Variants in OR2B6 observed in about 807,000 individuals in gnomAD.
OR2B6 encodes olfactory receptor 2B6.
For missense variants in OR2B6, 350 were observed against 368.9 expected, an observed-to-expected ratio of 0.95 and a Z score of 0.42; for synonymous variants, 130 against 142.7, an observed-to-expected ratio of 0.91 and a Z score of 0.63.
rs376639871 is a variant in OR2B6, at chr6:27,957,951, A to G, written c.711A>G (p.Ala237=). ...RIQSAEGRQK[A]FGTCGSHLIV... ...AGTCTGCTGAAGGTCGACAAAAAGC[A>G]TTTGGGACATGTGGTTCCCATCTAA... The change falls in exon 1 of 1, where the codon GCA becomes GCG. Residue 237 remains alanine (A), a synonymous_variant. Coordinates refer to ENST00000244623, the MANE Select transcript of OR2B6 (RefSeq NM_012367.1). The G allele has an allele frequency of 6.2e-7, 1 of 1,614,092 alleles. No homozygotes were observed. The highest frequency in any genetic ancestry group is 8.5e-7 in the Non-Finnish European group (1 of 1,179,982).
Position 27,957,464 on chromosome 6 carries a change from C to A in OR2B6, c.224C>A (p.Thr75Lys), listed in dbSNP as rs747174604. The change falls in exon 1 of 1, where the codon ACA (threonine) becomes AAA (lysine). Residue 75 changes from threonine (T) to lysine (K), a missense_variant. Thr to Lys is a moderately conservative substitution (Grantham distance 78). Transcript: ENST00000244623. ...NLSLLDLCYT[T>K]CTVPQMLVNL... Reference sequence around the variant, plus strand: ...TCACTCCTGGATCTTTGTTACACCACATGTACAGTCCCACAAATGCTAGTA... The same window carrying A: ...TCACTCCTGGATCTTTGTTACACCAAATGTACAGTCCCACAAATGCTAGTA... The A allele has an allele frequency of 6.2e-7, 1 of 1,614,024 alleles. No homozygotes were observed. The highest frequency in any genetic ancestry group is 8.5e-7 in the Non-Finnish European group (1 of 1,179,940).
In OR2B6 at chr6:27,957,842, T is replaced by A; in HGVS notation, c.602T>A (p.Leu201His). The change falls in exon 1 of 1, where the codon CTT (leucine) becomes CAT (histidine). Residue 201 changes from leucine to histidine, a missense_variant. Leu to His is a moderately conservative substitution (Grantham distance 99). Transcript: ENST00000244623. Reference sequence around the variant, plus strand: ...ACAGCAAATGAGGCTGAACTATTCCTTGTCAGTGAGCTCTTCCATCTAATA... The same window carrying A: ...ACAGCAAATGAGGCTGAACTATTCCATGTCAGTGAGCTCTTCCATCTAATA... ...ETTANEAELFLVSELFHLIPL... is the reference protein window; with the variant it reads ...ETTANEAELFHVSELFHLIPL... The A allele has an allele frequency of 6.2e-7, 1 of 1,614,086 alleles. No homozygotes were observed. The highest frequency in any genetic ancestry group is 8.5e-7 in the Non-Finnish European group (1 of 1,179,962).
chr6:27,957,321 C>G lies in OR2B6; in HGVS notation c.81C>G (p.Leu27=). 6.2e-7 allele frequency: 1 copy of G among 1,613,736 alleles called. No homozygotes were observed. Among genetic ancestry groups the G allele is most frequent in the Non-Finnish European group, 8.5e-7 (1 of 1,179,680 alleles). ...FSDRPWLEFP[L]LVVFLISYTV... is the part of the protein sequence containing the mutation. ...ATCGACCTTGGCTGGAGTTTCCACT[C>G]CTTGTGGTCTTCTTGATTTCTTACA... is the stretch of plus-strand genomic sequence containing the variant. The change falls in exon 1 of 1, where the codon CTC becomes CTG. Residue 27 remains leucine, a synonymous_variant. Transcript: ENST00000244623.
At position 27,957,523 on chromosome 6, in the gene OR2B6, C is replaced by G. The variant is rs189130562; in HGVS notation, c.283C>G (p.Arg95Gly). The G allele has an allele frequency of 3.2e-5, 51 of 1,614,092 alleles. No individual in the cohort carries two copies. The African/African-American group carries it at 6.0e-4, about 19-fold the overall frequency. ...LCSIRKVISY[R>G]GCVAQLFIFL... ...CAGCATCAGGAAAGTAATCAGTTAT[C>G]GTGGCTGTGTAGCCCAGCTTTTCAT... Residue 95 changes from arginine to glycine, a missense_variant, in exon 1 of 1, where the codon CGT (arginine) becomes GGT (glycine). Arg to Gly is a moderately radical substitution (Grantham distance 125). Coordinates refer to ENST00000244623, the MANE Select transcript of OR2B6 (RefSeq NM_012367.1).
chr6:27,957,342 T>C lies in OR2B6; in HGVS notation c.102T>C (p.Ser34=), dbSNP rs149589053. ...CACTCCTTGTGGTCTTCTTGATTTCTTACACTGTGACCATCTTTGGCAATC... is the reference window on the plus strand; with the variant it reads ...CACTCCTTGTGGTCTTCTTGATTTCCTACACTGTGACCATCTTTGGCAATC... ...EFPLLVVFLI[S]YTVTIFGNLT... The change falls in exon 1 of 1, where the codon TCT becomes TCC. Residue 34 remains serine (S), a synonymous_variant. Transcript: ENST00000244623. 633 of 1,613,940 alleles carry C rather than the reference T, an allele frequency of 3.9e-4. 2 individuals carry two copies. The African/African-American group carries it at 6.0e-3, about 15-fold the overall frequency.
chr6:27,957,757 G>C lies in OR2B6; in HGVS notation c.517G>C (p.Val173Leu), dbSNP rs1005398872. 29 of 1,613,948 alleles carry C rather than the reference G, an allele frequency of 1.8e-5. No homozygotes were observed. The highest frequency in any genetic ancestry group is 2.3e-5 in the Non-Finnish European group (27 of 1,180,020). Residue 173 changes from valine to leucine, a missense_variant, in exon 1 of 1, where the codon GTG (valine) becomes CTG (leucine). Transcript: ENST00000244623. ...TLQLPLCDPYVIDHFLCEVPA... is the reference protein window; with the variant it reads ...TLQLPLCDPYLIDHFLCEVPA... ...CCAGCTGCCACTCTGTGACCCCTAT[G>C]TGATAGATCACTTTCTCTGTGAAGT...
In OR2B6 at chr6:27,957,777, T is replaced by C. The variant is rs184215243; in HGVS notation, c.537T>C (p.Cys179=). ...CCTATGTGATAGATCACTTTCTCTG[T>C]GAAGTCCCTGCACTGCTCAAGTTAT... ...CDPYVIDHFL[C]EVPALLKLSC... is the part of the protein sequence containing the mutation. The change falls in exon 1 of 1, where the codon TGT becomes TGC. Residue 179 remains cysteine (C), a synonymous_variant. Coordinates refer to ENST00000244623, the MANE Select transcript of OR2B6 (RefSeq NM_012367.1). 6.2e-7 allele frequency: 1 copy of C among 1,614,004 alleles called. No homozygotes were observed. Among genetic ancestry groups the C allele is most frequent in the Non-Finnish European group, 8.5e-7 (1 of 1,180,004 alleles).
In OR2B6 at chr6:27,957,477, A is replaced by T. The variant is rs55711161; in HGVS notation, c.237A>T (p.Pro79=). The change falls in exon 1 of 1, where the codon CCA becomes CCT. Residue 79 remains proline (P), a synonymous_variant. Transcript: ENST00000244623. ...LDLCYTTCTV[P]QMLVNLCSIR... Reference sequence around the variant, plus strand: ...TTTGTTACACCACATGTACAGTCCCACAAATGCTAGTAAATTTATGCAGCA... The same window carrying T: ...TTTGTTACACCACATGTACAGTCCCTCAAATGCTAGTAAATTTATGCAGCA... 2,611 of 1,614,102 alleles carry T rather than the reference A, an allele frequency of 1.6e-3. 42 individuals are homozygous for T. The African/African-American group carries it at 0.029, about 18-fold the overall frequency.
At position 27,957,600 on chromosome 6, in the gene OR2B6, T is replaced by G. The variant is rs1469948015; in HGVS notation, c.360T>G (p.Phe120Leu). The change falls in exon 1 of 1, where the codon TTT becomes TTG. Residue 120 changes from phenylalanine (F) to leucine (L), a missense_variant. By Grantham distance (22) the Phe-to-Leu change is conservative. Coordinates refer to ENST00000244623, the MANE Select transcript of OR2B6 (RefSeq NM_012367.1). Reference sequence around the variant, plus strand: ...ATCTTCTCCTGGCCGTCATGTCCTTTGATAGGTTTGTAGCTATTTGTCGGC... The same window carrying G: ...ATCTTCTCCTGGCCGTCATGTCCTTGGATAGGTTTGTAGCTATTTGTCGGC... ...TEYLLLAVMS[F>L]DRFVAICRPL... 1 of 1,614,106 alleles carries G rather than the reference T, an allele frequency of 6.2e-7. No homozygotes were observed. Among genetic ancestry groups the G allele is most frequent in the African/African-American group, 1.3e-5 (1 of 75,040 alleles).
In OR2B6 at chr6:27,957,372, CATT is replaced by C; in HGVS notation, c.136_138del (p.Ile46del). On this transcript the variant is annotated inframe_deletion, in exon 1 of 1. Transcript: ENST00000244623. ...CTGTGACCATCTTTGGCAATCTGACCATTATTCTAGTGTCACGCCTGGACACCA... is the reference window on the plus strand; with the variant it reads ...CTGTGACCATCTTTGGCAATCTGACCATTCTAGTGTCACGCCTGGACACCA... 1 of 1,613,966 alleles carries C rather than the reference CATT, an allele frequency of 6.2e-7. No individual in the cohort carries two copies. The highest frequency in any genetic ancestry group is 1.6e-4 in the Middle Eastern group (1 of 6,062).
chr6:27,957,915 A>G lies in OR2B6; in HGVS notation c.675A>G (p.Val225=), dbSNP rs750140770. The G allele has an allele frequency of 1.2e-6, 2 of 1,614,094 alleles. No homozygotes were observed. Among genetic ancestry groups the G allele is most frequent in the Non-Finnish European group, 1.7e-6 (2 of 1,179,978 alleles). Residue 225 remains valine (V), a synonymous_variant, in exon 1 of 1, where the codon GTA becomes GTG. Coordinates refer to ENST00000244623, the MANE Select transcript of OR2B6 (RefSeq NM_012367.1). ...LISYAFIVRA[V]LRIQSAEGRQ... ...CATATGCTTTTATTGTCCGAGCAGTATTGAGGATACAGTCTGCTGAAGGTC... is the reference window on the plus strand; with the variant it reads ...CATATGCTTTTATTGTCCGAGCAGTGTTGAGGATACAGTCTGCTGAAGGTC...
chr6:27,958,137 A>C lies in OR2B6; in HGVS notation c.897A>C (p.Glu299Asp), dbSNP rs762929518. ...CACTTAGGAACAAGGAGGTAAAGGA[A>C]GGCTTTAAAAGGTTGGTTGCAAGAG... Reference protein sequence around the residue: ...IYTLRNKEVKEGFKRLVARVF... With the variant: ...IYTLRNKEVKDGFKRLVARVF... The change falls in exon 1 of 1, where the codon GAA (glutamate) becomes GAC (aspartate). Residue 299 changes from glutamate (E) to aspartate (D), a missense_variant. Coordinates refer to ENST00000244623, the MANE Select transcript of OR2B6 (RefSeq NM_012367.1). 1 of 1,613,338 alleles carries C rather than the reference A, an allele frequency of 6.2e-7. No individual in the cohort carries two copies. The highest frequency in any genetic ancestry group is 8.5e-7 in the Non-Finnish European group (1 of 1,179,596).
In OR2B6 at chr6:27,957,835, C is replaced by T; in HGVS notation, c.595C>T (p.Leu199=). The T allele has an allele frequency of 6.2e-7, 1 of 1,614,104 alleles. No individual in the cohort carries two copies. Among genetic ancestry groups the T allele is most frequent in the Non-Finnish European group, 8.5e-7 (1 of 1,179,960 alleles). Residue 199 remains leucine (L), a synonymous_variant, in exon 1 of 1, where the codon CTA becomes TTA. Coordinates refer to ENST00000244623, the MANE Select transcript of OR2B6 (RefSeq NM_012367.1). The part of the protein sequence containing the change: ...CVETTANEAE[L]FLVSELFHLI... Reference sequence around the variant, plus strand: ...TGAGACAACAGCAAATGAGGCTGAACTATTCCTTGTCAGTGAGCTCTTCCA... The same window carrying T: ...TGAGACAACAGCAAATGAGGCTGAATTATTCCTTGTCAGTGAGCTCTTCCA...
rs1364912385 is a variant in OR2B6 at position 27,958,044 on chromosome 6, G to C, written c.804G>C (p.Lys268Asn). 5 of 1,613,928 alleles carry C rather than the reference G, an allele frequency of 3.1e-6. No individual in the cohort carries two copies. The highest frequency in any genetic ancestry group is 4.2e-6 in the Non-Finnish European group (5 of 1,179,942). ...VYLQPPSPSS[K>N]DQGKMVSLFY... ...TGCAACCACCTTCGCCCAGCTCCAAGGACCAAGGAAAGATGGTTTCTCTCT... is the reference window on the plus strand; with the variant it reads ...TGCAACCACCTTCGCCCAGCTCCAACGACCAAGGAAAGATGGTTTCTCTCT... Residue 268 changes from lysine to asparagine, a missense_variant, in exon 1 of 1, where the codon AAG becomes AAC. Coordinates refer to ENST00000244623, the MANE Select transcript of OR2B6 (RefSeq NM_012367.1).
rs1349551825 is a variant in OR2B6 at position 27,958,122 on chromosome 6, C to A, written c.882C>A (p.Asn294Lys). 3 of 1,613,594 alleles carry A rather than the reference C, an allele frequency of 1.9e-6. No individual in the cohort carries two copies. Among genetic ancestry groups the A allele is most frequent in the Middle Eastern group, 1.6e-4 (1 of 6,078 alleles). Reference protein sequence around the residue: ...MLNPLIYTLRNKEVKEGFKRL... With the variant: ...MLNPLIYTLRKKEVKEGFKRL... The stretch of plus-strand genomic sequence containing the variant: ...ATCCCCTTATATATACACTTAGGAA[C>A]AAGGAGGTAAAGGAAGGCTTTAAAA... The change falls in exon 1 of 1, where the codon AAC becomes AAA. Residue 294 changes from asparagine to lysine, a missense_variant. Coordinates refer to ENST00000244623, the MANE Select transcript of OR2B6 (RefSeq NM_012367.1).
rs779983223 is a variant in OR2B6 at position 27,957,826 on chromosome 6, GA to G, written c.587del (p.Glu196GlyfsTer13). On this transcript the variant is annotated frameshift_variant, in exon 1 of 1. Transcript: ENST00000244623. LOFTEE classifies it low-confidence loss of function (END_TRUNC). Reference protein sequence around the residue: ...KLSCVETTANEAELFLVSELF... With the variant: ...KLSCVETTANXAELFLVSELF... ...ATCTTGTGTTGAGACAACAGCAAAT[GA>G]GGCTGAACTATTCCTTGTCAGTGAG... 2 of 1,614,128 alleles carry G rather than the reference GA, an allele frequency of 1.2e-6. No individual in the cohort carries two copies. Among genetic ancestry groups the G allele is most frequent in the South Asian group, 2.2e-5 (2 of 91,084 alleles).
chr6:27,957,466 T>G lies in OR2B6; in HGVS notation c.226T>G (p.Cys76Gly). ...ACTCCTGGATCTTTGTTACACCACA[T>G]GTACAGTCCCACAAATGCTAGTAAA... is the stretch of plus-strand genomic sequence containing the variant. ...LSLLDLCYTT[C>G]TVPQMLVNLC... Residue 76 changes from cysteine to glycine, a missense_variant, in exon 1 of 1, where the codon TGT (cysteine) becomes GGT (glycine). Physicochemically the swap from Cys to Gly is radical, Grantham distance 159. Transcript: ENST00000244623. 3.1e-6 allele frequency: 5 copies of G among 1,614,100 alleles called. No homozygotes were observed. Among genetic ancestry groups the G allele is most frequent in the East Asian group, 2.2e-5 (1 of 44,880 alleles).
Position 27,957,983 on chromosome 6 carries a change from T to G in OR2B6, c.743T>G (p.Val248Gly). Residue 248 changes from valine to glycine, a missense_variant, in exon 1 of 1, where the codon GTG becomes GGG. Coordinates refer to ENST00000244623, the MANE Select transcript of OR2B6 (RefSeq NM_012367.1). ...ACATGTGGTTCCCATCTAATTGTGG[T>G]GTCTCTTTTTTATAGTACAGCCGTC... ...FGTCGSHLIV[V>G]SLFYSTAVSV... 6.2e-7 allele frequency: 1 copy of G among 1,613,578 alleles called. No homozygotes were observed. The highest frequency in any genetic ancestry group is 8.5e-7 in the Non-Finnish European group (1 of 1,179,700).
In OR2B6 at chr6:27,957,538, C is replaced by G; in HGVS notation, c.298C>G (p.Gln100Glu). The G allele has an allele frequency of 6.2e-7, 1 of 1,614,044 alleles. No homozygotes were observed. The highest frequency in any genetic ancestry group is 1.1e-5 in the South Asian group (1 of 91,078). The change falls in exon 1 of 1, where the codon CAG becomes GAG. Residue 100 changes from glutamine (Q) to glutamate (E), a missense_variant. Physicochemically the swap from Gln to Glu is conservative, Grantham distance 29. Transcript: ENST00000244623. ...KVISYRGCVA[Q>E]LFIFLALGAT... is the part of the protein sequence containing the mutation. ...AATCAGTTATCGTGGCTGTGTAGCC[C>G]AGCTTTTCATATTTCTGGCCTTGGG... is the stretch of plus-strand genomic sequence containing the variant.
Sources: gnomAD v4.1 joint callset for allele counts on GRCh38, gnomAD v4.1.1 for gene constraint, MANE v1.5 for transcripts, NCBI Gene and HGNC (gene_info 2026-07-23, HGNC 2026-07-21) for gene names.